Variants in PLOD1 observed in about 807,000 individuals in gnomAD.
The protein encoded by PLOD1 is procollagen-lysine,2-oxoglutarate 5-dioxygenase 1, also known as lysine hydroxylase.
Under a neutral mutation model 94.7 loss-of-function variants are expected in PLOD1, and 70 were observed. The ratio of observed to expected loss-of-function variants is 0.74; its 90% CI spans 0.61 to 0.90. The LOEUF is 0.90. PLOD1 is among the 40% of genes least tolerant of loss of function. The probability of loss-of-function intolerance (pLI) is 0.00; values close to 1 mark genes in which losing one functional copy is unlikely to be tolerated. For synonymous variants in PLOD1, 417 were observed against 400.2 expected (o/e 1.04, Z -0.50); for missense variants, 905 against 972.7 (o/e 0.93, Z 0.93).
intron 6 of PLOD1, among the ~76,000 whole-genome samples, chr1:11,955,432 A>G (rs1645731563): frequency 6.6e-6 from 1 of 150,756 alleles, no homozygotes. Flanking sequence ...CAGTTTTCTT[A>G]TCTTTACAAA....
At chr1:11,969,530 G>A (rs1645846262) in intron 16 of PLOD1, among the ~76,000 whole-genome samples, 1 of 152,178 alleles carries the variant, frequency 6.6e-6, no homozygotes, top group Admixed American at 6.5e-5. Flanking sequence ...GACAGGGCCA[G>A]ACCTCGGACC....
chr1:11,964,679 A>G lies in PLOD1; in HGVS notation c.1364A>G (p.Tyr455Cys), dbSNP rs373893146. 6 of 1,612,870 alleles carry G rather than the reference A, an allele frequency of 3.7e-6. No individual in the cohort carries two copies. Among genetic ancestry groups the G allele is most frequent in the East Asian group, 2.2e-5 (1 of 44,866 alleles). ...VWNVPYISNIYLIKGSALRGE... is the reference protein window; with the variant it reads ...VWNVPYISNICLIKGSALRGE... Reference sequence around the variant, plus strand: ...AATGTGCCCTATATTTCAAACATCTACTTGATCAAGGGCAGTGCCCTGCGG... The same window carrying G: ...AATGTGCCCTATATTTCAAACATCTGCTTGATCAAGGGCAGTGCCCTGCGG... Residue 455 changes from tyrosine (Y) to cysteine (C), a missense_variant, in exon 13 of 19, where the codon TAC becomes TGC. Transcript: ENST00000196061.
At position 11,972,976 on chromosome 1, in the gene PLOD1, C is replaced by T; in HGVS notation, c.2007C>T (p.Asn669=). 1 of 1,614,050 alleles carries T rather than the reference C, an allele frequency of 6.2e-7. No homozygotes were observed. Among genetic ancestry groups the T allele is most frequent in the Non-Finnish European group, 8.5e-7 (1 of 1,179,982 alleles). Residue 669 remains asparagine, a synonymous_variant, in exon 18 of 19, where the codon AAC becomes AAT. Transcript: ENST00000196061. This position sits in a 1 kb window ranked among gnomAD's most constrained non-coding sequence, Gnocchi z 4.6. Reference sequence around the variant, plus strand: ...CCTTCACCATCAACATCGCCCTGAACCGAGTCGGGGTGGATTACGAGGTGA... The same window carrying T: ...CCTTCACCATCAACATCGCCCTGAATCGAGTCGGGGTGGATTACGAGGTGA... The part of the protein sequence containing the change: ...ASTFTINIAL[N]RVGVDYEGGG...
In PLOD1 at chr1:11,956,975, C is replaced by G. The variant is rs566018612; in HGVS notation, c.702C>G (p.Asp234Glu). 6.1e-5 allele frequency: 99 copies of G among 1,613,856 alleles called. 2 individuals carry two copies. In the South Asian group the frequency reaches 1.0e-3, roughly 16 times the overall value. The change falls in exon 7 of 19, where the codon GAC becomes GAG. Residue 234 changes from aspartate (D) to glutamate (E), a missense_variant. Physicochemically the swap from Asp to Glu is conservative, Grantham distance 45. Coordinates refer to ENST00000196061, the MANE Select transcript of PLOD1 (RefSeq NM_000302.4). ...GHVRARNLAY[D>E]TLPVLIHGNG... ...TGAGAGCGAGGAACCTGGCCTATGACACCCTCCCGGTCCTGATCCATGGCA... is the reference window on the plus strand; with the variant it reads ...TGAGAGCGAGGAACCTGGCCTATGAGACCCTCCCGGTCCTGATCCATGGCA...
chr1:11,961,732 C>T (rs1388459236), intron 10 of PLOD1, among the ~76,000 whole-genome samples: 1 of 152,188 alleles, frequency 6.6e-6, no homozygotes, highest in East Asian at 1.9e-4. Flanking sequence ...GCCTCAGCCC[C>T]CCAAGAAGCT....
At chr1:11,949,155 G>A (rs1645678296) in intron 2 of PLOD1, among the ~76,000 whole-genome samples, 1 of 152,142 alleles carries the variant, frequency 6.6e-6, no homozygotes, top group African/African-American at 2.4e-5. Context: ...AACTTCAGCA[G>A]AAGGAGACAG....
At chr1:11,949,350 T>C (rs776895202) in intron 2 of PLOD1, among the ~76,000 whole-genome samples, 5 of 152,124 alleles carry the variant, frequency 3.3e-5, no homozygotes, top group Non-Finnish European at 7.4e-5. Flanking sequence ...CTAATCCTCA[T>C]ACAGGTGGAG....
chr1:11,956,808 G>A (rs541418447), intron 6 of PLOD1, 109 bp from the exon 7 acceptor site: 37 of 776,420 alleles, frequency 4.8e-5, no homozygotes, highest in Admixed American at 4.1e-4. Context: ...TGACTTGCCC[G>A]AGGACATAAT....
At chr1:11,964,323 T>TGGGGGGGGGGGGGG in intron 12 of PLOD1, 23 bp downstream of exon 12, 1 of 274,694 alleles carries the variant, frequency 3.6e-6, no homozygotes, top group Non-Finnish European at 7.3e-6. Context: ...AGGGTGGGGG[T>TGGGGGGGGGGGGGG]GGGTGGGGGA....
At chr1:11,944,454 CTCACTCACAT>C in intron 1 of PLOD1, 1 of 1,021,282 alleles carries the variant, frequency 9.8e-7, no homozygotes, top group Non-Finnish European at 1.4e-6. Flanking sequence ...CACACACACA[CTCACTCACAT>C]GCTCTCACGC....
rs1297488446 is a variant in PLOD1, at chr1:11,964,369, T to G, written c.1328+69T>G. ...TGGCTTCTGCCTGGGCTTGTGGGGCTCCCTCCCTATTATTCCTGTTCTTGT... is the reference window on the plus strand; with the variant it reads ...TGGCTTCTGCCTGGGCTTGTGGGGCGCCCTCCCTATTATTCCTGTTCTTGT... On this transcript the variant is annotated intron_variant, in intron 12 of 18. Coordinates refer to ENST00000196061, the MANE Select transcript of PLOD1 (RefSeq NM_000302.4). 8 of 1,475,988 alleles carry G rather than the reference T, an allele frequency of 5.4e-6. No individual in the cohort carries two copies. In the Admixed American group the frequency reaches 1.3e-4, roughly 25 times the overall value. 91.4% of individuals were successfully genotyped at this position (1,475,988 alleles called of 1,614,324 possible). A position where few individuals can be genotyped will look rare whatever the true frequency, so the allele number is the denominator to read the frequency against.
At chr1:11,964,416 C>A in intron 12 of PLOD1, 116 bp downstream of exon 12, 1 of 1,192,588 alleles carries the variant, frequency 8.4e-7, no homozygotes. Flanking sequence ...TCCTGTTGAA[C>A]CTGAAGCAAG....
intron 16 of PLOD1, among the ~76,000 whole-genome samples, 192 bp from the exon 17 acceptor site, chr1:11,970,478 C>G (rs977650569): frequency 6.6e-6 from 1 of 151,992 alleles, no homozygotes; most frequent in African/African-American, 2.4e-5. Context: ...TAGGTCAGGC[C>G]CCCCCAGGAT....
chr1:11,969,977 A>T (rs1405123018), intron 16 of PLOD1, among the ~76,000 whole-genome samples: 2 of 151,794 alleles, frequency 1.3e-5, no homozygotes, highest in Non-Finnish European at 2.9e-5. Flanking sequence ...TGCATGGCTC[A>T]CGCCTGTAAT....
At chr1:11,955,386 C>CCT (rs1481960365) in intron 6 of PLOD1, among the ~76,000 whole-genome samples, 1 of 152,196 alleles carries the variant, frequency 6.6e-6, no homozygotes, top group African/African-American at 2.4e-5. Context: ...TCCTGAGTGA[C>CCT]CTCAGGCAAG....
intron 16 of PLOD1, 120 bp downstream of exon 16, chr1:11,967,211 G>A: frequency 1.4e-6 from 1 of 708,978 alleles, no homozygotes; most frequent in Non-Finnish European, 2.6e-6. Flanking sequence ...CTTGACATAG[G>A]GGTGCTGGCA....
chr1:11,954,033 T>C (rs1032606806), intron 5 of PLOD1, among the ~76,000 whole-genome samples: 3 of 150,828 alleles, frequency 2.0e-5, no homozygotes, highest in Non-Finnish European at 3.0e-5. Context: ...TCTGGCTAAT[T>C]TTAAGATTTT....
At position 11,958,793 on chromosome 1, in the gene PLOD1, A is replaced by G. The variant is rs1645757914; in HGVS notation, c.975+146A>G. The G allele has an allele frequency of 1.1e-6, 1 of 938,886 alleles. No individual in the cohort carries two copies. 58.2% of individuals were successfully genotyped at this position (938,886 alleles called of 1,614,324 possible). On this transcript the variant is annotated intron_variant, in intron 9 of 18. Coordinates refer to ENST00000196061, the MANE Select transcript of PLOD1 (RefSeq NM_000302.4). The surrounding 1 kb of genome is among the most constrained non-coding windows in gnomAD (Gnocchi z 4.3). ...CACCAGTGGACTGTGTCCCCAAATC[A>G]CTGAGTTAACTTTGGAGTCAGACTG...
chr1:11,974,185 A>G (rs867483536), intron 18 of PLOD1, among the ~76,000 whole-genome samples: 14 of 150,292 alleles, frequency 9.3e-5, no homozygotes, highest in South Asian at 2.1e-4. Context: ...AGAGCTCTTG[A>G]TCACTTACTC....
Sources: allele counts gnomAD v4.1 joint callset (sites outside exome capture counted in the v4.1 genomes callset), GRCh38; gene constraint gnomAD v4.1.1; non-coding constraint Gnocchi (gnomAD v3.1); transcripts MANE v1.5; gene names NCBI Gene and HGNC (gene_info 2026-07-23, HGNC 2026-07-21).